The following TSR3 variants were observed in gnomAD, a reference collection of about 807,000 sequenced individuals.
TSR3 encodes the protein TSR3 ribosome maturation factor.
A neutral mutation model predicts 28.1 loss-of-function variants in TSR3; 31 were observed. The ratio of observed to expected loss-of-function variants is 1.10; its 90% CI spans 0.83 to 1.49. The LOEUF (loss-of-function observed/expected upper bound fraction) is 1.49. Ranked by LOEUF, TSR3 falls within the 40% of genes most tolerant of loss-of-function variation. TSR3 has a pLI of 0.00. For missense variants in TSR3, 511 were observed against 444.0 expected, an observed-to-expected ratio of 1.15 and a Z score of -1.36; for synonymous variants, 219 against 197.2, an observed-to-expected ratio of 1.11 and a Z score of -0.93.
In TSR3 at chr16:1,350,087, G is replaced by A. The variant is rs555149094; in HGVS notation, c.674C>T (p.Ala225Val). 13 of 1,609,138 alleles carry A rather than the reference G, an allele frequency of 8.1e-6. No individual in the cohort carries two copies. The African/African-American group carries it at 1.2e-4, about 15-fold the overall frequency. ...LQAEQEFLAN[A>V]KESPQEEEID... is the part of the protein sequence containing the mutation. ...CTCCTCCTCCTGGGGGCTCTCCTTGGCATTGGCCAAGAACTCCTGCTCCGC... is the reference window on the plus strand; with the variant it reads ...CTCCTCCTCCTGGGGGCTCTCCTTGACATTGGCCAAGAACTCCTGCTCCGC... Residue 225 changes from alanine to valine, a missense_variant, in exon 4 of 6, where the codon GCC becomes GTC. Ala to Val is a moderately conservative substitution (Grantham distance 64, BLOSUM62 0). Transcript: ENST00000007390.
chr16:1,349,323 C>G lies in TSR3; in HGVS notation c.*114G>C. ...GCTGGAAGTGTGGGGAGAACCCGGA[C>G]AGCTCAGTCCTGCCAGCAGCCGCAA... is the stretch of plus-strand genomic sequence containing the variant. On this transcript the variant is annotated 3_prime_UTR_variant, in exon 6 of 6. Coordinates refer to ENST00000007390, the MANE Select transcript of TSR3 (RefSeq NM_001001410.3). The G allele has an allele frequency of 8.5e-7, 1 of 1,182,842 alleles. No individual in the cohort carries two copies. Among genetic ancestry groups the G allele is most frequent in the South Asian group, 1.2e-5 (1 of 80,572 alleles). 73.3% of individuals were successfully genotyped at this position (1,182,842 alleles called of 1,614,324 possible). A position where few individuals can be genotyped will look rare whatever the true frequency, so the allele number is the denominator to read the frequency against.
chr16:1,349,724 C>G, intron 5 of TSR3, 116 bp from the exon 6 acceptor site: 1 of 1,411,534 alleles, frequency 7.1e-7, no homozygotes, highest in Non-Finnish European at 9.6e-7. Context: ...CCTGTGCTCT[C>G]CACACCCAAA....
chr16:1,349,683 GC>G (rs1261459092), intron 5 of TSR3, 75 bp from the exon 6 acceptor site: 1 of 1,504,388 alleles, frequency 6.6e-7, no homozygotes, highest in Non-Finnish European at 8.9e-7. Context: ...TCCACAAAAA[GC>G]CCCCAGCCGA....
chr16:1,350,314 C>A, intron 3 of TSR3, 80 bp from the exon 4 acceptor site: 1 of 1,441,210 alleles, frequency 6.9e-7, no homozygotes, highest in South Asian at 1.3e-5. Context: ...TGCCGGATGG[C>A]GGCGCTCTCC....
In TSR3 at chr16:1,351,472, C is replaced by T. The variant is rs530299830; in HGVS notation, c.239G>A (p.Arg80His). ...GCGCAGGCAGCGCACCAGCCCCAGG[C>T]GGGCCAGCTTGCGGCCCGTGCAGCG... is the stretch of plus-strand genomic sequence containing the variant. ...PRRCTGRKLA[R>H]LGLVRCLRLG... The change falls in exon 2 of 6, where the codon CGC becomes CAC. Residue 80 changes from arginine to histidine, a missense_variant. Arg to His is a conservative substitution (Grantham distance 29, BLOSUM62 0). Transcript: ENST00000007390. 16 of 1,585,036 alleles carry T rather than the reference C, an allele frequency of 1.0e-5. No homozygotes were observed. The highest frequency in any genetic ancestry group is 1.4e-5 in the Non-Finnish European group (16 of 1,173,910).
At position 1,349,419 on chromosome 16, in the gene TSR3, T is replaced by TA. The variant is rs1334029689; in HGVS notation, c.*17dup. The TA allele has an allele frequency of 6.2e-7, 1 of 1,613,548 alleles. No homozygotes were observed. Among genetic ancestry groups the TA allele is most frequent in the Non-Finnish European group, 8.5e-7 (1 of 1,179,858 alleles). On this transcript the variant is annotated 3_prime_UTR_variant, in exon 6 of 6. Transcript: ENST00000007390. ...TTTTCTCGTCACCCAGCCTCAAAAA[T>TA]ATATGTGTCTGCAACCCTCAGTCTC...
chr16:1,349,621 G>A lies in TSR3; in HGVS notation c.768-13C>T. On this transcript the variant is annotated splice_polypyrimidine_tract_variant and intron_variant, in intron 5 of 5. Coordinates refer to ENST00000007390, the MANE Select transcript of TSR3 (RefSeq NM_001001410.3). ...GTCCGAGGGCAGCCTGGGAGAGGAG[G>A]GGGAGCACGTTCCCAAATGACGTCC... The A allele has an allele frequency of 6.3e-7, 1 of 1,575,480 alleles. No homozygotes were observed. The highest frequency in any genetic ancestry group is 2.3e-5 in the East Asian group (1 of 44,432).
chr16:1,350,882 C>T lies in TSR3; in HGVS notation c.451G>A (p.Ala151Thr), dbSNP rs371158812. ...HLRLLPYLVA[A>T]NPVNYGRPYR... ...GGCCGGCCATAGTTCACGGGGTTGG[C>T]GGCCACCAGGTAGGGCAACAGGCGC... is the stretch of plus-strand genomic sequence containing the variant. Residue 151 changes from alanine (A) to threonine (T), a missense_variant, in exon 3 of 6, where the codon GCC (alanine) becomes ACC (threonine). Ala to Thr is a moderately conservative substitution (Grantham distance 58, BLOSUM62 0). Coordinates refer to ENST00000007390, the MANE Select transcript of TSR3 (RefSeq NM_001001410.3). The T allele has an allele frequency of 1.5e-5, 24 of 1,612,892 alleles. No homozygotes were observed. In the African/African-American group the frequency reaches 2.8e-4, roughly 19 times the overall value.
chr16:1,349,771 C>T (rs2034616772), intron 5 of TSR3, 118 bp downstream of exon 5: 8 of 1,413,734 alleles, frequency 5.7e-6, no homozygotes, highest in Non-Finnish European at 6.9e-6. Context: ...GTTTTCTAGT[C>T]AGAAGACCAT....
chr16:1,350,672 C>T (rs1445273575), intron 3 of TSR3, 135 bp downstream of exon 3: 4 of 1,035,956 alleles, frequency 3.9e-6, no homozygotes, highest in Admixed American at 2.6e-5. Context: ...GGGCTGGAAC[C>T]GTGGTCTGTC....
chr16:1,351,556 C>T lies in TSR3; in HGVS notation c.155G>A (p.Gly52Asp), dbSNP rs749807152. 1.5e-5 allele frequency: 22 copies of T among 1,475,982 alleles called. 1 individual carries two copies. The South Asian group carries it at 2.7e-4, about 18-fold the overall frequency. The allele number at this position is 1,475,982 out of a possible 1,614,324, so 91.4% of individuals were successfully genotyped here. A position where few individuals can be genotyped will look rare whatever the true frequency, so the allele number is the denominator to read the frequency against. The change falls in exon 2 of 6, where the codon GGC (glycine) becomes GAC (aspartate). Residue 52 changes from glycine to aspartate, a missense_variant. Gly to Asp is a moderately conservative substitution (Grantham distance 94). Transcript: ENST00000007390. ...CAGCGTGCAGGGCAGCGCCGCCGGG[C>T]CCGGGCCGCCCTCGCCGTCAGCCGC... ...PGAADGEGGPGPAALPCTLAM... is the reference protein window; with the variant it reads ...PGAADGEGGPDPAALPCTLAM...
chr16:1,349,385 G>GTCTC lies in TSR3; in HGVS notation c.*48_*51dup. The GTCTC allele has an allele frequency of 3.7e-6, 6 of 1,605,630 alleles. No homozygotes were observed. Among genetic ancestry groups the GTCTC allele is most frequent in the Non-Finnish European group, 5.1e-6 (6 of 1,173,008 alleles). ...TGCCAGGCCCATTTATGTCCCTCATGTCTCTAGATTTTCTCGTCACCCAGC... is the reference window on the plus strand; with the variant it reads ...TGCCAGGCCCATTTATGTCCCTCATGTCTCTCTCTAGATTTTCTCGTCACCCAGC... On this transcript the variant is annotated 3_prime_UTR_variant, in exon 6 of 6. Coordinates refer to ENST00000007390, the MANE Select transcript of TSR3 (RefSeq NM_001001410.3).
rs2034680792 is a variant in TSR3 at position 1,351,543 on chromosome 16, C to A, written c.168G>T (p.Leu56=). Reference sequence around the variant, plus strand: ...ACTCCCACATGGCCAGCGTGCAGGGCAGCGCCGCCGGGCCCGGGCCGCCCT... The same window carrying A: ...ACTCCCACATGGCCAGCGTGCAGGGAAGCGCCGCCGGGCCCGGGCCGCCCT... The part of the protein sequence containing the change: ...DGEGGPGPAA[L]PCTLAMWELG... The change falls in exon 2 of 6, where the codon CTG becomes CTT. Residue 56 remains leucine, a synonymous_variant. Transcript: ENST00000007390. 2.0e-6 allele frequency: 3 copies of A among 1,483,798 alleles called. No homozygotes were observed. Among genetic ancestry groups the A allele is most frequent in the South Asian group, 1.3e-5 (1 of 78,160 alleles). 91.9% of individuals were successfully genotyped at this position (1,483,798 alleles called of 1,614,324 possible).
At position 1,350,526 on chromosome 16, in the gene TSR3, G is replaced by T. The variant is rs771221422; in HGVS notation, c.526+281C>A. Among the ~76,000 whole-genome samples, 4 of 152,132 alleles carry T rather than the reference G, an allele frequency of 2.6e-5. No homozygotes were observed. The East Asian group carries it at 5.8e-4, about 22-fold the overall frequency. ...AGATCAGCAATTCAGTAAGGAGGAC[G>T]TGGAGGATAAGGAGGATTCTCTGGG... On this transcript the variant is annotated intron_variant, in intron 3 of 5. Transcript: ENST00000007390.
Position 1,349,813 on chromosome 16 carries a change from A to G in TSR3, c.767+76T>C. ...GTTGTTTACAACACCACCCCCAGGC[A>G]GCAGGAAGGGCTCAGGCCAGAGGTA... On this transcript the variant is annotated intron_variant, in intron 5 of 5. Transcript: ENST00000007390. 7.0e-6 allele frequency: 11 copies of G among 1,561,092 alleles called. No individual in the cohort carries two copies. In the South Asian group the frequency reaches 1.2e-4, roughly 17 times the overall value.
chr16:1,351,239 C>G (rs992214418), intron 2 of TSR3, 140 bp downstream of exon 2: 1 of 1,055,610 alleles, frequency 9.5e-7, no homozygotes, highest in Non-Finnish European at 1.3e-6. Flanking sequence ...CTGCGCTACG[C>G]AACGGAGGCA....
In TSR3 at chr16:1,349,479, C is replaced by T. The variant is rs201659974; in HGVS notation, c.897G>A (p.Pro299=). The T allele has an allele frequency of 7.7e-5, 125 of 1,613,572 alleles. 1 individual carries two copies. Among genetic ancestry groups the T allele is most frequent in the Middle Eastern group, 3.3e-4 (2 of 6,084 alleles). ...TQGRGAEARA[P]AEVWKGIKKR... ...TCTTGATTCCTTTCCAAACCTCAGC[C>T]GGGGCCCTGGCCTCAGCCCCCCGTC... The change falls in exon 6 of 6, where the codon CCG becomes CCA. Residue 299 remains proline (P), a synonymous_variant. Transcript: ENST00000007390.
Position 1,351,546 on chromosome 16 carries a change from C to T in TSR3, c.165G>A (p.Ala55=). The change falls in exon 2 of 6, where the codon GCG becomes GCA. Residue 55 remains alanine, a synonymous_variant. Transcript: ENST00000007390. ...ADGEGGPGPA[A]LPCTLAMWEL... ...CCCACATGGCCAGCGTGCAGGGCAG[C>T]GCCGCCGGGCCCGGGCCGCCCTCGC... The T allele has an allele frequency of 2.0e-6, 3 of 1,481,208 alleles. No individual in the cohort carries two copies. Among genetic ancestry groups the T allele is most frequent in the East Asian group, 2.9e-5 (1 of 34,630 alleles). The allele number at this position is 1,481,208 out of a possible 1,614,324, so 91.8% of individuals were successfully genotyped here.
chr16:1,349,861 G>A, intron 5 of TSR3, 28 bp downstream of exon 5: 1 of 1,612,762 alleles, frequency 6.2e-7, no homozygotes, highest in African/African-American at 1.3e-5. Context: ...GGGTCTGAGT[G>A]ATCATGAAAT....
Sources: gnomAD v4.1 joint callset for allele counts (sites outside exome capture counted in the v4.1 genomes callset) on GRCh38, gnomAD v4.1.1 for gene constraint, MANE v1.5 for transcripts, NCBI Gene and HGNC (gene_info 2026-07-23, HGNC 2026-07-21) for gene names.